The following KIRREL3 variants were observed in gnomAD, a reference collection of about 807,000 sequenced individuals.
The protein encoded by KIRREL3 is kin of IRRE-like protein 3.
In KIRREL3, 36 loss-of-function variants were observed where a neutral mutation model predicts 89.7. The observed-to-expected ratio is 0.40, with a 90% confidence interval of 0.31 to 0.53. The LOEUF is 0.53. KIRREL3 is among the 20% of genes least tolerant of loss of function. The pLI, the probability that KIRREL3 is intolerant of heterozygous loss-of-function variation, is 0.49. For missense variants in KIRREL3, 864 were observed against 1,056.6 expected (o/e 0.82, Z 2.53); for synonymous variants, 445 against 441.4 (o/e 1.01, Z -0.10).
At chr11:126,597,587 C>T (rs1942457968) in intron 1 of KIRREL3, among the ~76,000 whole-genome samples, 1 of 152,192 alleles carries the variant, frequency 6.6e-6, no homozygotes, top group Non-Finnish European at 1.5e-5. Context: ...GTCAGCTTCA[C>T]AGTTCCCACT....
chr11:126,734,513 A>G lies in KIRREL3; in HGVS notation c.56-171601T>C, dbSNP rs1366904935. Among the ~76,000 whole-genome samples the G allele has an allele frequency of 3.9e-5, 6 of 152,102 alleles. No homozygotes were observed. The highest frequency in any genetic ancestry group is 1.3e-4 in the Admixed American group (2 of 15,282). Reference sequence around the variant, plus strand: ...ACCCTGTCTCTACGAAAAATACAAAATCAGCTGGGCATGGCAGCGCGTGCC... The same window carrying G: ...ACCCTGTCTCTACGAAAAATACAAAGTCAGCTGGGCATGGCAGCGCGTGCC... On this transcript the variant is annotated intron_variant, in intron 1 of 16. Transcript: ENST00000525144. This position sits in a 1 kb window ranked among gnomAD's most constrained non-coding sequence, Gnocchi z 5.9.
chr11:126,829,053 C>T (rs1169892501), intron 1 of KIRREL3, among the ~76,000 whole-genome samples: 1 of 152,324 alleles, frequency 6.6e-6, no homozygotes, highest in Non-Finnish European at 1.5e-5. Flanking sequence ...GAGAGCTTGT[C>T]TGCCTGCAAG....
chr11:126,789,105 C>G (rs550500267), intron 1 of KIRREL3, among the ~76,000 whole-genome samples: 1 of 152,186 alleles, frequency 6.6e-6, no homozygotes, highest in Non-Finnish European at 1.5e-5. Context: ...ACCATGAGCT[C>G]TTTAGGGGCA....
Position 126,797,096 on chromosome 11 carries a change from C to T in KIRREL3, c.55+203359G>A, listed in dbSNP as rs1459249636. The stretch of plus-strand genomic sequence containing the variant: ...AGGGAAGAAGAAGCCTCATTCAGAT[C>T]CCCCAGAGCCCACATTCGGGGCCAC... On this transcript the variant is annotated intron_variant, in intron 1 of 16. Coordinates refer to ENST00000525144, the MANE Select transcript of KIRREL3 (RefSeq NM_032531.4). This position sits in a 1 kb window ranked among gnomAD's most constrained non-coding sequence, Gnocchi z 4.9. Among the ~76,000 whole-genome samples the T allele has an allele frequency of 2.6e-5, 4 of 152,142 alleles. No homozygotes were observed. The highest frequency in any genetic ancestry group is 7.2e-5 in the African/African-American group (3 of 41,420).
At position 126,931,026 on chromosome 11, in the gene KIRREL3, A is replaced by G. The variant is rs1348092868; in HGVS notation, c.55+69429T>C. 6.6e-6 allele frequency among the ~76,000 whole-genome samples: 1 copy of G among 152,074 alleles called. No individual in the cohort carries two copies. The highest frequency in any genetic ancestry group is 1.5e-5 in the Non-Finnish European group (1 of 68,010). On this transcript the variant is annotated intron_variant, in intron 1 of 16. Coordinates refer to ENST00000525144, the MANE Select transcript of KIRREL3 (RefSeq NM_032531.4). The surrounding 1 kb of genome is among the most constrained non-coding windows in gnomAD (Gnocchi z 5.1). ...ATTCCCCTATCCATCTCCCACTCTC[A>G]CACAGGACGAGTGTAGACAGCACCT...
chr11:126,617,452 TTC>T, intron 1 of KIRREL3, among the ~76,000 whole-genome samples: 1 of 152,354 alleles, frequency 6.6e-6, no homozygotes, highest in South Asian at 2.1e-4. Context: ...ATTTTTGGTT[TTC>T]AAAGTTTATA....
chr11:126,435,976 G>A (rs1220372240), intron 12 of KIRREL3, among the ~76,000 whole-genome samples: 1 of 152,220 alleles, frequency 6.6e-6, no homozygotes, highest in East Asian at 1.9e-4. Context: ...GCCCCTCTCA[G>A]AACCCGGCTT....
At chr11:126,478,115 C>T (rs1428022744) in intron 4 of KIRREL3, among the ~76,000 whole-genome samples, 5 of 152,220 alleles carry the variant, frequency 3.3e-5, no homozygotes, top group East Asian at 1.9e-4. Flanking sequence ...GGCCCCACTG[C>T]GTCTCTGCTG....
chr11:126,858,016 ACATGCTGG>A (rs1418412805), intron 1 of KIRREL3, among the ~76,000 whole-genome samples: 1 of 152,204 alleles, frequency 6.6e-6, no homozygotes, highest in African/African-American at 2.4e-5. Context: ...TACCACTTTA[ACATGCTGG>A]CACCCAGCCA....
chr11:126,703,463 A>G lies in KIRREL3; in HGVS notation c.56-140551T>C, dbSNP rs1177814528. Among the ~76,000 whole-genome samples, 1 of 152,166 alleles carries G rather than the reference A, an allele frequency of 6.6e-6. No individual in the cohort carries two copies. Among genetic ancestry groups the G allele is most frequent in the Non-Finnish European group, 1.5e-5 (1 of 68,030 alleles). On this transcript the variant is annotated intron_variant, in intron 1 of 16. Transcript: ENST00000525144. This position sits in a 1 kb window ranked among gnomAD's most constrained non-coding sequence, Gnocchi z 4.6. ...CTCTGTGCTAAGTGCTTTACATTTT[A>G]TCCTCCCCTCCACCCTATATCAGGT...
intron 1 of KIRREL3, among the ~76,000 whole-genome samples, chr11:126,925,859 T>A (rs1424028285): frequency 6.6e-6 from 1 of 152,240 alleles, no homozygotes; most frequent in Non-Finnish European, 1.5e-5. Flanking sequence ...CAGGCACTCC[T>A]TCCTCCTCTA....
In KIRREL3 at chr11:126,776,625, T is replaced by G. The variant is rs923148676; in HGVS notation, c.56-213713A>C. 2.6e-5 allele frequency among the ~76,000 whole-genome samples: 4 copies of G among 152,174 alleles called. No individual in the cohort carries two copies. The highest frequency in any genetic ancestry group is 9.7e-5 in the African/African-American group (4 of 41,430). ...TGACTCAAAAGCTTGCAGAAACACTTTAGTTGAACAAGTCTCTGGGACAAA... is the reference window on the plus strand; with the variant it reads ...TGACTCAAAAGCTTGCAGAAACACTGTAGTTGAACAAGTCTCTGGGACAAA... On this transcript the variant is annotated intron_variant, in intron 1 of 16. Transcript: ENST00000525144. This position sits in a 1 kb window ranked among gnomAD's most constrained non-coding sequence, Gnocchi z 4.7.
chr11:126,618,626 G>A (rs1943453985), intron 1 of KIRREL3, among the ~76,000 whole-genome samples: 1 of 152,196 alleles, frequency 6.6e-6, no homozygotes, highest in Admixed American at 6.5e-5. Context: ...GTAGAGACAA[G>A]GTTGCGCCAT....
chr11:126,434,813 G>A (rs1023375751), intron 13 of KIRREL3, among the ~76,000 whole-genome samples: 1 of 152,190 alleles, frequency 6.6e-6, no homozygotes, highest in Non-Finnish European at 1.5e-5. Context: ...AGCATGGATT[G>A]CACAAGCCAC....
rs1950026550 is a variant in KIRREL3, at chr11:126,991,234, TAGTC to T, written c.55+9217_55+9220del. Among the ~76,000 whole-genome samples, 1 of 152,116 alleles carries T rather than the reference TAGTC, an allele frequency of 6.6e-6. No individual in the cohort carries two copies. The highest frequency in any genetic ancestry group is 6.5e-5 in the Admixed American group (1 of 15,272). On this transcript the variant is annotated intron_variant, in intron 1 of 16. Coordinates refer to ENST00000525144, the MANE Select transcript of KIRREL3 (RefSeq NM_032531.4). This position sits in a 1 kb window ranked among gnomAD's most constrained non-coding sequence, Gnocchi z 5.8. ...CTGCAGGGCACGTCCACACTTCACT[TAGTC>T]AGGTTCTTCTTCTGCCTCCTGCCAG...
chr11:126,944,621 C>T (rs975661001), intron 1 of KIRREL3, among the ~76,000 whole-genome samples: 6 of 152,116 alleles, frequency 3.9e-5, no homozygotes, highest in African/African-American at 9.7e-5. Context: ...CTGTGGTCCA[C>T]GCCTTGAGAC....
rs890314917 is a variant in KIRREL3, at chr11:126,544,837, C to G, written c.133+17998G>C. Among the ~76,000 whole-genome samples the G allele has an allele frequency of 3.9e-5, 6 of 152,156 alleles. No homozygotes were observed. Among genetic ancestry groups the G allele is most frequent in the African/African-American group, 1.4e-4 (6 of 41,426 alleles). ...CTTGGCCGACATTCCTGGCCTTAAT[C>G]TGCTTGAGCAAAGTCTGTCTTTGTT... On this transcript the variant is annotated intron_variant, in intron 2 of 16. Coordinates refer to ENST00000525144, the MANE Select transcript of KIRREL3 (RefSeq NM_032531.4). The surrounding 1 kb of genome is among the most constrained non-coding windows in gnomAD (Gnocchi z 5.6).
At position 126,614,989 on chromosome 11, in the gene KIRREL3, G is replaced by A. The variant is rs1385006701; in HGVS notation, c.56-52077C>T. Among the ~76,000 whole-genome samples the A allele has an allele frequency of 6.6e-6, 1 of 152,126 alleles. No individual in the cohort carries two copies. Among genetic ancestry groups the A allele is most frequent in the Non-Finnish European group, 1.5e-5 (1 of 68,032 alleles). On this transcript the variant is annotated intron_variant, in intron 1 of 16. Transcript: ENST00000525144. The surrounding 1 kb of genome is among the most constrained non-coding windows in gnomAD (Gnocchi z 4.6). ...TGGGACTGTTTAGCCTAGAAAAGGG[G>A]GGACTTGGGGAGAGGCGTGATTTGC...
At position 126,940,543 on chromosome 11, in the gene KIRREL3, G is replaced by C. The variant is rs968329871; in HGVS notation, c.55+59912C>G. The C allele has an allele frequency of 1.3e-5, 2 of 152,198 alleles. No homozygotes were observed. Among genetic ancestry groups the C allele is most frequent in the African/African-American group, 2.4e-5 (1 of 41,436 alleles). 9.4% of individuals were successfully genotyped at this position (152,198 alleles called of 1,614,324 possible). A position where few individuals can be genotyped will look rare whatever the true frequency, so the allele number is the denominator to read the frequency against. ...CTGGACTGCATTTAAATTTACAACAGAGAGAAGTAACTTTTCCTCATTTCC... is the reference window on the plus strand; with the variant it reads ...CTGGACTGCATTTAAATTTACAACACAGAGAAGTAACTTTTCCTCATTTCC... On this transcript the variant is annotated intron_variant, in intron 1 of 16. Coordinates refer to ENST00000525144, the MANE Select transcript of KIRREL3 (RefSeq NM_032531.4). This position sits in a 1 kb window ranked among gnomAD's most constrained non-coding sequence, Gnocchi z 4.6.
Sources: allele counts gnomAD v4.1 joint callset (sites outside exome capture counted in the v4.1 genomes callset), GRCh38; gene constraint gnomAD v4.1.1; non-coding constraint Gnocchi (gnomAD v3.1); transcripts MANE v1.5; gene names NCBI Gene and HGNC (gene_info 2026-07-23, HGNC 2026-07-21).